The following NME7 variants were observed in gnomAD, a reference collection of about 807,000 sequenced individuals.
The protein encoded by NME7 is NME/NM23 family member 7, also known as nucleoside diphosphate kinase 7.
In NME7, 41 loss-of-function variants were observed where a neutral mutation model predicts 49.1. The ratio of observed to expected loss-of-function variants is 0.83; its 90% CI spans 0.65 to 1.08. NME7 has a LOEUF of 1.08. NME7 is among the 50% of genes least tolerant of loss of function. The probability of loss-of-function intolerance (pLI) is 0.00; values close to 1 mark genes in which losing one functional copy is unlikely to be tolerated. For missense variants in NME7, 423 were observed against 463.4 expected (o/e 0.91, Z 0.80); for synonymous variants, 139 against 150.6 (o/e 0.92, Z 0.56).
intron 9 of NME7, 151 bp downstream of exon 9, chr1:169,234,980 A>G: frequency 2.5e-6 from 1 of 400,174 alleles, no homozygotes; most frequent in Non-Finnish European, 4.5e-6. Flanking sequence ...ATAACAACCT[A>G]GGTCGTTGAC....
intron 1 of NME7, among the ~76,000 whole-genome samples, chr1:169,334,650 T>C (rs923941161): frequency 3.9e-5 from 6 of 152,120 alleles, no homozygotes; most frequent in Admixed American, 2.0e-4. Flanking sequence ...GACATAGGAA[T>C]GGGCAAAGAC....
chr1:169,229,574 G>A (rs1251596839), intron 10 of NME7, among the ~76,000 whole-genome samples: 1 of 152,204 alleles, frequency 6.6e-6, no homozygotes, highest in African/African-American at 2.4e-5. Flanking sequence ...CAACAGGAGT[G>A]TTGTTCTCCC....
intron 10 of NME7, among the ~76,000 whole-genome samples, chr1:169,224,037 C>T (rs1025486889): frequency 1.3e-5 from 2 of 152,154 alleles, no homozygotes; most frequent in African/African-American, 4.8e-5. Context: ...CCACATATAA[C>T]CAACCTCCCA....
chr1:169,267,242 C>A (rs560055565), intron 7 of NME7, among the ~76,000 whole-genome samples: 1 of 133,032 alleles, frequency 7.5e-6, no homozygotes, highest in South Asian at 2.3e-4. Context: ...ATGAAAATTA[C>A]AAAACACTGC....
At chr1:169,227,369 AGAAGCCATGTCTCCCCT>A (rs1206037746) in intron 10 of NME7, among the ~76,000 whole-genome samples, 1 of 152,200 alleles carries the variant, frequency 6.6e-6, no homozygotes, top group Non-Finnish European at 1.5e-5. Flanking sequence ...AATTCAGCTC[AGAAGCCATGTCTCCCCT>A]GACATTTGTC....
chr1:169,244,707 T>C (rs1311421967), intron 7 of NME7, among the ~76,000 whole-genome samples: 1 of 152,010 alleles, frequency 6.6e-6, no homozygotes. Context: ...CTAACAAAAT[T>C]GGTTTTCATA....
intron 1 of NME7, among the ~76,000 whole-genome samples, chr1:169,347,383 C>T (rs779883316): frequency 2.6e-4 from 39 of 152,134 alleles, no homozygotes; most frequent in Non-Finnish European, 7.4e-5. Flanking sequence ...GGTAAAAATA[C>T]ATTCCAGGTA....
chr1:169,311,416 C>CAAAAAA (rs34576386), intron 3 of NME7, among the ~76,000 whole-genome samples: 28 of 83,562 alleles, frequency 3.4e-4, no homozygotes, highest in African/African-American at 4.9e-4. Flanking sequence ...GACTCCATCT[C>CAAAAAA]AAAAAAAAAA....
intron 1 of NME7, among the ~76,000 whole-genome samples, chr1:169,326,755 C>A (rs550681994): frequency 8.5e-5 from 13 of 152,120 alleles, no homozygotes. Context: ...AAAAGATGTA[C>A]CTGGAGATAT....
intron 11 of NME7, among the ~76,000 whole-genome samples, chr1:169,167,182 T>C (rs2101840797): frequency 6.7e-6 from 1 of 149,296 alleles, no homozygotes. Context: ...GATTTAGCCA[T>C]TTAAATAAAA....
intron 1 of NME7, among the ~76,000 whole-genome samples, chr1:169,354,779 A>G (rs1653321034): frequency 7.1e-6 from 1 of 141,018 alleles, no homozygotes; most frequent in African/African-American, 2.6e-5. Flanking sequence ...TTATATATAT[A>G]TATGTGTGTG....
At chr1:169,152,983 T>C (rs747297001) in intron 11 of NME7, among the ~76,000 whole-genome samples, 11 of 152,062 alleles carry the variant, frequency 7.2e-5, no homozygotes, top group Non-Finnish European at 1.6e-4. Context: ...TTCTATTTGG[T>C]TGTAGTTTTA....
At chr1:169,300,510 G>A (rs1650897046) in intron 5 of NME7, among the ~76,000 whole-genome samples, 1 of 152,020 alleles carries the variant, frequency 6.6e-6, no homozygotes, top group South Asian at 2.1e-4. Context: ...ATAATAATAT[G>A]AGCATGCAAA....
At chr1:169,149,005 T>C (rs1658834541) in intron 11 of NME7, among the ~76,000 whole-genome samples, 3 of 152,248 alleles carry the variant, frequency 2.0e-5, no homozygotes, top group South Asian at 4.1e-4. Context: ...TCAAGATTAC[T>C]AGAAATAAGA....
intron 3 of NME7, among the ~76,000 whole-genome samples, chr1:169,313,290 C>T (rs967195394): frequency 6.7e-6 from 1 of 150,330 alleles, no homozygotes; most frequent in Non-Finnish European, 1.5e-5. Flanking sequence ...TCTGGAAAAT[C>T]TGAACTTTGA....
chr1:169,238,202 C>T (rs1647936629), intron 7 of NME7, among the ~76,000 whole-genome samples: 1 of 151,612 alleles, frequency 6.6e-6, no homozygotes. Context: ...AGGCACACAT[C>T]TGGGAAAGTA....
At chr1:169,293,832 T>A (rs1205928926) in intron 6 of NME7, among the ~76,000 whole-genome samples, 1 of 152,024 alleles carries the variant, frequency 6.6e-6, no homozygotes, top group Non-Finnish European at 1.5e-5. Flanking sequence ...TATATCTTCA[T>A]TTATTTATGT....
At chr1:169,158,517 G>T (rs1048632594) in intron 11 of NME7, among the ~76,000 whole-genome samples, 3 of 152,100 alleles carry the variant, frequency 2.0e-5, no homozygotes, top group Non-Finnish European at 4.4e-5. Context: ...GTGAAACCAT[G>T]AATAACGGGG....
At chr1:169,311,899 T>G (rs1393119310) in intron 3 of NME7, among the ~76,000 whole-genome samples, 1 of 152,252 alleles carries the variant, frequency 6.6e-6, no homozygotes, top group African/African-American at 2.4e-5. Context: ...TCCTCTGTCA[T>G]GTCTTTGCTG....
Sources: allele counts gnomAD v4.1 joint callset (sites outside exome capture counted in the v4.1 genomes callset), GRCh38; gene constraint gnomAD v4.1.1; transcripts MANE v1.5; gene names NCBI Gene and HGNC (gene_info 2026-07-23, HGNC 2026-07-21).